TENM3: variants seen among roughly 807,000 people sequenced by gnomAD.
The protein encoded by TENM3 is teneurin transmembrane protein 3, also known as teneurin-3.
TENM3 carries 63 observed loss-of-function variants against 255.1 expected under a neutral mutation model. The ratio of observed to expected loss-of-function variants is 0.25; its 90% confidence interval spans 0.20 to 0.30. TENM3 has a LOEUF of 0.30. TENM3 is among the 10% of genes least tolerant of loss of function. The pLI, the probability that TENM3 is intolerant of heterozygous loss-of-function variation, is 1.00. For synonymous variants in TENM3, 1,306 were observed against 1,322.3 expected (o/e 0.99, Z 0.27); for missense variants, 2,929 against 3,461.1 (o/e 0.85, Z 3.86).
At chr4:182,531,035 G>T (rs895712003) in intron 3 of TENM3, among the ~76,000 whole-genome samples, 3 of 152,162 alleles carry the variant, frequency 2.0e-5, no homozygotes, top group Non-Finnish European at 2.9e-5. Context: ...TGGAGAGAGT[G>T]TAGATGGAGG....
chr4:181,931,871 C>T, the TENM3 span, among the ~76,000 whole-genome samples: 2 of 152,162 alleles, frequency 1.3e-5, no homozygotes, highest in Non-Finnish European at 2.9e-5. Context: ...AACACATCTA[C>T]AACCATCTGA....
At chr4:182,596,819 G>C (rs571315914) in intron 3 of TENM3, among the ~76,000 whole-genome samples, 173 of 152,306 alleles carry the variant, frequency 1.1e-3, no homozygotes, top group African/African-American at 3.9e-3. Flanking sequence ...TCAGAGGTAT[G>C]TTGCAGTAAC....
At chr4:181,620,908 G>A in the TENM3 span, among the ~76,000 whole-genome samples, 28 of 152,250 alleles carry the variant, frequency 1.8e-4, no homozygotes, top group East Asian at 1.9e-3. Context: ...AACAAAAAAT[G>A]TTTGAGAATT....
chr4:181,887,740 T>C, the TENM3 span, among the ~76,000 whole-genome samples: 3 of 152,342 alleles, frequency 2.0e-5, no homozygotes, highest in Admixed American at 6.5e-5. Flanking sequence ...TGTATATCCC[T>C]TGGCATTTTA....
intron 3 of TENM3, among the ~76,000 whole-genome samples, chr4:182,387,603 C>T (rs1768051868): frequency 2.6e-5 from 4 of 152,106 alleles, no homozygotes; most frequent in African/African-American, 7.2e-5. Context: ...AGCTGTAACA[C>T]TCGCCACGAA....
At chr4:181,718,686 C>T in the TENM3 span, among the ~76,000 whole-genome samples, 1 of 152,142 alleles carries the variant, frequency 6.6e-6, no homozygotes, top group Non-Finnish European at 1.5e-5. Context: ...GGGTCAGCCT[C>T]GCATCTGTAA....
At chr4:182,169,564 C>A (rs1751965068) in intron 1 of TENM3, among the ~76,000 whole-genome samples, 1 of 152,098 alleles carries the variant, frequency 6.6e-6, no homozygotes, top group African/African-American at 2.4e-5. Flanking sequence ...TAAAATCTTT[C>A]TTTTGCCCAA....
chr4:182,167,902 G>A (rs1022657065), intron 1 of TENM3, among the ~76,000 whole-genome samples: 1 of 151,948 alleles, frequency 6.6e-6, no homozygotes, highest in Non-Finnish European at 1.5e-5. Flanking sequence ...AAATAAATAA[G>A]TAAATTCCCT....
At chr4:182,311,602 CATGCGAAAATGGAGTTG>C (rs1190646178) in intron 1 of TENM3, among the ~76,000 whole-genome samples, 1 of 152,168 alleles carries the variant, frequency 6.6e-6, no homozygotes, top group African/African-American at 2.4e-5. Context: ...TCAGTTCTGT[CATGCGAAAATGGAGTTG>C]ATAATTCTTA....
At chr4:182,055,155 T>C in the TENM3 span, among the ~76,000 whole-genome samples, 4 of 152,068 alleles carry the variant, frequency 2.6e-5, no homozygotes. Context: ...GAGTCCAGTT[T>C]GGGCAAGATG....
intron 3 of TENM3, among the ~76,000 whole-genome samples, chr4:182,576,111 A>G (rs1396612061): frequency 1.3e-5 from 2 of 152,228 alleles, no homozygotes; most frequent in Non-Finnish European, 2.9e-5. Flanking sequence ...TTTATTCGGT[A>G]GATTTTTTTA....
At chr4:182,378,607 C>A (rs1173750017) in intron 3 of TENM3, among the ~76,000 whole-genome samples, 1 of 152,010 alleles carries the variant, frequency 6.6e-6, no homozygotes, top group Non-Finnish European at 1.5e-5. Flanking sequence ...CTAATGGGAG[C>A]GCTGGAGAAA....
Position 182,260,059 on chromosome 4 carries a change from G to A in TENM3, c.-76+16583G>A, listed in dbSNP as rs530209024. Among the ~76,000 whole-genome samples, 182 of 152,262 alleles carry A rather than the reference G, an allele frequency of 1.2e-3. 2 individuals carry two copies. In the South Asian group the frequency reaches 0.022, roughly 18 times the overall value. On this transcript the variant is annotated intron_variant, in intron 1 of 27. Transcript: ENST00000511685. ...CAGTTCCATCCATGTTGCTGCAAAT[G>A]ACCGGATTTCACTAATTTTTATGAC...
At chr4:181,659,136 C>T in the TENM3 span, among the ~76,000 whole-genome samples, 1 of 152,148 alleles carries the variant, frequency 6.6e-6, no homozygotes, top group Non-Finnish European at 1.5e-5. Flanking sequence ...CCTAATTTTG[C>T]TTTAAAGATA....
intron 3 of TENM3, among the ~76,000 whole-genome samples, chr4:182,586,234 G>A (rs115365986): frequency 0.022 from 3,298 of 152,214 alleles, 105 homozygotes; most frequent in African/African-American, 0.073. Flanking sequence ...TCCAGCCTGG[G>A]CAACACAGCA....
intron 3 of TENM3, among the ~76,000 whole-genome samples, chr4:182,407,801 C>T (rs1769687198): frequency 6.6e-6 from 1 of 152,178 alleles, no homozygotes; most frequent in African/African-American, 2.4e-5. Context: ...TCCATAATAT[C>T]TTTGCTTCTT....
At chr4:182,069,266 T>C in the TENM3 span, among the ~76,000 whole-genome samples, 1 of 152,332 alleles carries the variant, frequency 6.6e-6, no homozygotes, top group South Asian at 2.1e-4. Flanking sequence ...ATATTCCTAT[T>C]TCCTTTCTGG....
the TENM3 span, among the ~76,000 whole-genome samples, chr4:182,022,576 T>C: frequency 1.3e-4 from 20 of 152,020 alleles, no homozygotes; most frequent in East Asian, 2.1e-3. Context: ...ATTTACTGTC[T>C]TGGTAAACAC....
At chr4:182,589,284 T>C (rs1746355191) in intron 3 of TENM3, among the ~76,000 whole-genome samples, 1 of 152,030 alleles carries the variant, frequency 6.6e-6, no homozygotes, top group Non-Finnish European at 1.5e-5. Flanking sequence ...CTCAGATCTG[T>C]TTTCCAGTTT....
Sources: allele counts gnomAD v4.1 joint callset (sites outside exome capture counted in the v4.1 genomes callset), GRCh38; gene constraint gnomAD v4.1.1; transcripts MANE v1.5; gene names NCBI Gene and HGNC (gene_info 2026-07-23, HGNC 2026-07-21).